Variants in CCM2 observed in about 807,000 individuals in gnomAD.
The protein encoded by CCM2 is CCM2 scaffold protein, also known as cerebral cavernous malformations 2 protein.
CCM2 carries 25 observed loss-of-function variants against 44.9 expected under a neutral mutation model. The observed-to-expected ratio is 0.56, with a 90% CI of 0.41 to 0.78. CCM2 has a LOEUF of 0.78. CCM2 is among the 30% of genes least tolerant of loss of function. The probability of loss-of-function intolerance (pLI) is 0.00; values close to 1 mark genes in which losing one functional copy is unlikely to be tolerated. For synonymous variants in CCM2, 219 were observed against 241.1 expected, an observed-to-expected ratio of 0.91 and a Z score of 0.85; for missense variants, 481 against 580.6, an observed-to-expected ratio of 0.83 and a Z score of 1.76.
chr7:45,052,581 A>C (rs1429073341), intron 2 of CCM2, among the ~76,000 whole-genome samples: 5 of 152,246 alleles, frequency 3.3e-5, no homozygotes, highest in African/African-American at 1.2e-4. Context: ...CCACATGAAC[A>C]TCAGTAGTTC....
chr7:45,013,427 T>C (rs1269858341), intron 1 of CCM2, among the ~76,000 whole-genome samples: 1 of 152,108 alleles, frequency 6.6e-6, no homozygotes, highest in Non-Finnish European at 1.5e-5. Flanking sequence ...AGAGCCCTCA[T>C]ACGCCTTCCA....
intron 6 of CCM2, chr7:45,071,353 A>G (rs1209450932): frequency 6.4e-6 from 1 of 157,170 alleles, no homozygotes; most frequent in Admixed American, 6.3e-5. Flanking sequence ...ATGAATTTTC[A>G]TAAAGTAAAC....
At chr7:45,075,229 GC>G (rs1311129013) in intron 9 of CCM2, among the ~76,000 whole-genome samples, 2 of 152,230 alleles carry the variant, frequency 1.3e-5, no homozygotes, top group Non-Finnish European at 2.9e-5. Flanking sequence ...GACTCTGTCT[GC>G]CCCTCCACAT....
chr7:45,056,670 T>C (rs185799560), intron 2 of CCM2, among the ~76,000 whole-genome samples: 100 of 152,360 alleles, frequency 6.6e-4, no homozygotes, highest in African/African-American at 2.2e-3. Context: ...TTAATTGGGT[T>C]GTTTGGTTTT....
intron 1 of CCM2, among the ~76,000 whole-genome samples, chr7:45,037,418 C>CTTTTTTTT (rs11424221): frequency 2.7e-5 from 3 of 112,096 alleles, no homozygotes; most frequent in African/African-American, 3.6e-5. Flanking sequence ...TCTCCCCCTA[C>CTTTTTTTT]TTTTTTTTTT....
intron 1 of CCM2, among the ~76,000 whole-genome samples, chr7:45,013,024 C>G (rs938775832): frequency 6.6e-6 from 1 of 152,090 alleles, no homozygotes; most frequent in Non-Finnish European, 1.5e-5. Context: ...TTAAGTCTAT[C>G]ATTTTGATAT....
intron 2 of CCM2, among the ~76,000 whole-genome samples, chr7:45,047,104 T>A (rs1380035944): frequency 1.3e-5 from 2 of 152,178 alleles, no homozygotes; most frequent in Non-Finnish European, 2.9e-5. Flanking sequence ...GGACCCCTCA[T>A]TCATTGCTGG....
chr7:45,067,116 G>T lies in CCM2; in HGVS notation c.473-1327G>T, dbSNP rs185395722. On this transcript the variant is annotated intron_variant, in intron 4 of 9. Coordinates refer to ENST00000258781, the MANE Select transcript of CCM2 (RefSeq NM_031443.4). ...AGTATTTCACCGTGTTAGCCAGGAT[G>T]ATCTTGATCTCCTGACCTTGTGATC... 3.6e-3 allele frequency among the ~76,000 whole-genome samples: 540 copies of T among 151,822 alleles called. 4 individuals carry two copies. Among genetic ancestry groups the T allele is most frequent in the African/African-American group, 0.012 (511 of 41,400 alleles).
intron 2 of CCM2, chr7:45,043,628 CAAAAA>C: frequency 3.5e-6 from 1 of 285,742 alleles, no homozygotes; most frequent in Non-Finnish European, 6.5e-6. Flanking sequence ...GACTCCATCC[CAAAAA>C]AAAAAAAAAT....
chr7:45,024,458 C>G (rs1437712537), intron 1 of CCM2, among the ~76,000 whole-genome samples: 2 of 152,132 alleles, frequency 1.3e-5, no homozygotes, highest in Non-Finnish European at 2.9e-5. Flanking sequence ...GTCATTGTCA[C>G]CCTGGGATTT....
At chr7:45,043,628 C>CA (rs56961380) in intron 2 of CCM2, 36,406 of 280,706 alleles carry the variant, frequency 0.13, 1,169 homozygotes, top group African/African-American at 0.25. Context: ...GACTCCATCC[C>CA]AAAAAAAAAA....
At chr7:45,074,965 G>A (rs1799272572) in intron 9 of CCM2, among the ~76,000 whole-genome samples, 1 of 152,242 alleles carries the variant, frequency 6.6e-6, no homozygotes, top group Non-Finnish European at 1.5e-5. Flanking sequence ...AACACAGCAA[G>A]TTTGCGGTAA....
chr7:45,026,647 G>C (rs368363347), intron 1 of CCM2, among the ~76,000 whole-genome samples: 10 of 135,204 alleles, frequency 7.4e-5, no homozygotes, highest in Admixed American at 1.6e-4. Flanking sequence ...CTGTTACCCA[G>C]GCTGGAGTGC....
At chr7:45,016,613 G>A (rs1333343787) in intron 1 of CCM2, among the ~76,000 whole-genome samples, 2 of 148,936 alleles carry the variant, frequency 1.3e-5, no homozygotes. Context: ...ACAGGCATGA[G>A]CCACTGTGCC....
chr7:45,067,971 T>G, intron 4 of CCM2: 1 of 224,240 alleles, frequency 4.5e-6, no homozygotes, highest in African/African-American at 2.3e-5. Context: ...GAACCTCATT[T>G]GTCTAGGGAG....
At chr7:45,067,559 T>G (rs1299711299) in intron 4 of CCM2, 1 of 152,286 alleles carries the variant, frequency 6.6e-6, no homozygotes. Flanking sequence ...CTACATAGCA[T>G]TCTTTCTTTG....
chr7:45,030,576 C>T (rs1033844333), intron 1 of CCM2, among the ~76,000 whole-genome samples: 9 of 152,224 alleles, frequency 5.9e-5, no homozygotes, highest in African/African-American at 2.2e-4. Flanking sequence ...CCTGGAACTA[C>T]AGGCTAATTT....
chr7:45,012,130 CTTTTTTT>C (rs60568953), intron 1 of CCM2, among the ~76,000 whole-genome samples: 1 of 94,090 alleles, frequency 1.1e-5, no homozygotes, highest in African/African-American at 3.8e-5. Context: ...ATCATAATAT[CTTTTTTT>C]TTTTTTTTTT....
At chr7:45,021,205 C>G (rs1796467089) in intron 1 of CCM2, among the ~76,000 whole-genome samples, 2 of 152,174 alleles carry the variant, frequency 1.3e-5, no homozygotes, top group South Asian at 2.1e-4. Flanking sequence ...TGCAGTGAGC[C>G]ATGATTGTGC....
Sources: allele counts gnomAD v4.1 joint callset (sites outside exome capture counted in the v4.1 genomes callset), GRCh38; gene constraint gnomAD v4.1.1; transcripts MANE v1.5; gene names NCBI Gene and HGNC (gene_info 2026-07-23, HGNC 2026-07-21).